The following INPP1 variants were observed in gnomAD, a reference collection of about 807,000 sequenced individuals.
The protein encoded by INPP1 is inositol polyphosphate-1-phosphatase.
INPP1 carries 18 observed loss-of-function variants against 23.0 expected under a neutral mutation model. That is an observed-to-expected ratio of 0.78 (90% CI 0.54 to 1.16). The LOEUF (loss-of-function observed/expected upper bound fraction) is 1.16, where lower values mean the gene tolerates loss of function less well. Among genes scored for constraint, INPP1 ranks in the 50% most tolerant of loss-of-function variants. The probability of loss-of-function intolerance (pLI) is 0.00; values close to 1 mark genes in which losing one functional copy is unlikely to be tolerated. For missense variants in INPP1, 448 were observed against 482.1 expected (o/e 0.93, Z 0.66); for synonymous variants, 164 against 176.3 (o/e 0.93, Z 0.55).
rs1198769387 is a variant in INPP1, at chr2:190,368,495, G to A, written c.467-608G>A. 6.6e-6 allele frequency: 1 copy of A among 152,028 alleles called. No individual in the cohort carries two copies. 9.4% of individuals were successfully genotyped at this position (152,028 alleles called of 1,614,324 possible). On this transcript the variant is annotated intron_variant, in intron 5 of 6. Transcript: ENST00000392329. The surrounding 1 kb of genome is among the most constrained non-coding windows in gnomAD (Gnocchi z 4.3). ...CTTTTCCTTTTTAAAATGTTTGTGG[G>A]TACATAATAGGTGTATATATTTATG... is the stretch of plus-strand genomic sequence containing the variant.
At chr2:190,353,589 A>G (rs1689363268) in intron 2 of INPP1, among the ~76,000 whole-genome samples, 1 of 152,112 alleles carries the variant, frequency 6.6e-6, no homozygotes, top group Non-Finnish European at 1.5e-5. Context: ...GCTCTGTGAT[A>G]TTTTTCCAGA....
Position 190,371,101 on chromosome 2 carries a change from G to C in INPP1, c.899G>C (p.Gly300Ala), listed in dbSNP as rs772175829. 1.2e-6 allele frequency: 2 copies of C among 1,614,194 alleles called. No individual in the cohort carries two copies. Among genetic ancestry groups the C allele is most frequent in the Non-Finnish European group, 1.7e-6 (2 of 1,180,028 alleles). The change falls in exon 7 of 7, where the codon GGC (glycine) becomes GCC (alanine). Residue 300 changes from glycine to alanine, a missense_variant. Transcript: ENST00000392329. This position sits in a 1 kb window ranked among gnomAD's most constrained non-coding sequence, Gnocchi z 5.3. The part of the protein sequence containing the change: ...AGYKSLCVVQ[G>A]LVDIYIFSED... The stretch of plus-strand genomic sequence containing the variant: ...TATAAGAGCCTATGTGTTGTCCAAG[G>C]CCTCGTTGACATTTACATCTTTTCA...
chr2:190,354,948 ATTT>A lies in INPP1; in HGVS notation c.-64-5079_-64-5077del, dbSNP rs11286107. ...GGGGTGTGTGTGTGTGTGTGTGTGC[ATTT>A]TTTTTTTTTTTGCTATATAATGTAC... On this transcript the variant is annotated intron_variant, in intron 2 of 6. Coordinates refer to ENST00000392329, the MANE Select transcript of INPP1 (RefSeq NM_001128928.2). This position sits in a 1 kb window ranked among gnomAD's most constrained non-coding sequence, Gnocchi z 4.8. Among the ~76,000 whole-genome samples, 10,316 of 142,582 alleles carry A rather than the reference ATTT, an allele frequency of 0.072. 590 individuals carry two copies. The highest frequency in any genetic ancestry group is 0.15 in the African/African-American group (5,685 of 38,784). The allele number at this position is 142,582 out of a possible 152,430, so 93.5% of individuals were successfully genotyped here.
At chr2:190,364,608 T>G (rs1222516998) in intron 4 of INPP1, among the ~76,000 whole-genome samples, 1 of 145,732 alleles carries the variant, frequency 6.9e-6, no homozygotes, top group African/African-American at 2.6e-5. Flanking sequence ...TTTTTTTTTG[T>G]TAGATGGAGT....
At chr2:190,358,952 G>A (rs1689479486) in intron 2 of INPP1, among the ~76,000 whole-genome samples, 1 of 152,102 alleles carries the variant, frequency 6.6e-6, no homozygotes, top group Admixed American at 6.5e-5. Context: ...GCAATGAGAT[G>A]GCTTGTGCTA....
intron 4 of INPP1, 131 bp downstream of exon 4, chr2:190,362,818 G>T: frequency 4.0e-6 from 2 of 504,056 alleles, no homozygotes; most frequent in South Asian, 1.0e-4. Flanking sequence ...GAATGTTAAG[G>T]TTCATTCAAT....
Position 190,366,784 on chromosome 2 carries a change from G to A in INPP1, c.355G>A (p.Glu119Lys). ...KVLNGNKVAS[E>K]ALARVVHQDV... ...CCTCAATGGTAACAAGGTGGCATCT[G>A]AAGCATTAGCCAGGGTTGTTCATCA... The change falls in exon 5 of 7, where the codon GAA becomes AAA. Residue 119 changes from glutamate to lysine, a missense_variant. Glu to Lys is a moderately conservative substitution (Grantham distance 56). Coordinates refer to ENST00000392329, the MANE Select transcript of INPP1 (RefSeq NM_001128928.2). 6.2e-7 allele frequency: 1 copy of A among 1,613,374 alleles called. No individual in the cohort carries two copies. Among genetic ancestry groups the A allele is most frequent in the South Asian group, 1.1e-5 (1 of 91,072 alleles).
Position 190,358,344 on chromosome 2 carries a change from T to C in INPP1, c.-64-1695T>C, listed in dbSNP as rs995296115. ...CATGCGCCTTGGCCTCCCAAAGTGC[T>C]GGGATTACAGGCATGAGCCACTGCG... On this transcript the variant is annotated intron_variant, in intron 2 of 6. Coordinates refer to ENST00000392329, the MANE Select transcript of INPP1 (RefSeq NM_001128928.2). 5.9e-5 allele frequency among the ~76,000 whole-genome samples: 9 copies of C among 152,282 alleles called. No homozygotes were observed. The East Asian group carries it at 1.7e-3, about 29-fold the overall frequency.
chr2:190,348,090 A>T (rs1235007749), intron 1 of INPP1, among the ~76,000 whole-genome samples: 1 of 152,234 alleles, frequency 6.6e-6, no homozygotes, highest in African/African-American at 2.4e-5. Flanking sequence ...GTGAGTCAAG[A>T]TCGTGCCACT....
rs762938673 is a variant in INPP1 at position 190,370,876 on chromosome 2, A to G, written c.674A>G (p.Tyr225Cys). 34 of 1,613,202 alleles carry G rather than the reference A, an allele frequency of 2.1e-5. No individual in the cohort carries two copies. The African/African-American group carries it at 4.1e-4, about 20-fold the overall frequency. Residue 225 changes from tyrosine (Y) to cysteine (C), a missense_variant, in exon 7 of 7, where the codon TAC becomes TGC. Physicochemically the swap from Tyr to Cys is radical, Grantham distance 194. Transcript: ENST00000392329. ...WKGQCYWGLS[Y>C]MGTNMHSLQL... ...GGACAGTGCTATTGGGGCCTTTCTT[A>G]CATGGGGACCAACATGCATTCACTA...
chr2:190,366,732 G>A lies in INPP1; in HGVS notation c.303G>A (p.Glu101=), dbSNP rs11544940. ...CCTTGAGGTTGTGTTCAACAGAGGA[G>A]GAAACAGCAGAGCTTCTTAGCAAAG... ...KITLRLCSTE[E]ETAELLSKVL... Residue 101 remains glutamate, a synonymous_variant, in exon 5 of 7, where the codon GAG becomes GAA. Coordinates refer to ENST00000392329, the MANE Select transcript of INPP1 (RefSeq NM_001128928.2). 0.59 allele frequency: 954,991 copies of A among 1,609,598 alleles called. 288,470 individuals are homozygous for A. The highest frequency in any genetic ancestry group is 0.79 in the Admixed American group (47,112 of 60,000).
At chr2:190,364,925 A>G (rs540317388) in intron 4 of INPP1, among the ~76,000 whole-genome samples, 1 of 151,972 alleles carries the variant, frequency 6.6e-6, no homozygotes, top group Non-Finnish European at 1.5e-5. Flanking sequence ...CTTTCTAATA[A>G]GCTCCCAGCT....
Position 190,370,902 on chromosome 2 carries a change from C to G in INPP1, c.700C>G (p.Gln234Glu). 1 of 1,614,138 alleles carries G rather than the reference C, an allele frequency of 6.2e-7. No homozygotes were observed. Among genetic ancestry groups the G allele is most frequent in the Non-Finnish European group, 8.5e-7 (1 of 1,180,002 alleles). ...CATGGGGACCAACATGCATTCACTACAGCTCACCATCTCTAGAAGAAACGG... is the reference window on the plus strand; with the variant it reads ...CATGGGGACCAACATGCATTCACTAGAGCTCACCATCTCTAGAAGAAACGG... ...SYMGTNMHSL[Q>E]LTISRRNGSE... is the part of the protein sequence containing the mutation. The change falls in exon 7 of 7, where the codon CAG (glutamine) becomes GAG (glutamate). Residue 234 changes from glutamine (Q) to glutamate (E), a missense_variant. Gln to Glu is a conservative substitution (Grantham distance 29). Transcript: ENST00000392329.
In INPP1 at chr2:190,355,580, A is replaced by G. The variant is rs1298255974; in HGVS notation, c.-64-4459A>G. 6.6e-6 allele frequency among the ~76,000 whole-genome samples: 1 copy of G among 152,206 alleles called. No individual in the cohort carries two copies. Among genetic ancestry groups the G allele is most frequent in the Non-Finnish European group, 1.5e-5 (1 of 68,044 alleles). On this transcript the variant is annotated intron_variant, in intron 2 of 6. Transcript: ENST00000392329. The surrounding 1 kb of genome is among the most constrained non-coding windows in gnomAD (Gnocchi z 5.1). ...AGAGTCCAGCAATCTGTTTTTTTAG[A>G]AGGCCATCTTGGGTAATTCTGATAC... is the stretch of plus-strand genomic sequence containing the variant.
intron 1 of INPP1, 26 bp downstream of exon 1, chr2:190,343,987 C>A: frequency 6.5e-6 from 2 of 306,924 alleles, no homozygotes; most frequent in Non-Finnish European, 6.9e-6. Flanking sequence ...CCTTACGACA[C>A]CCACCACAGG....
At position 190,366,826 on chromosome 2, in the gene INPP1, G is replaced by T; in HGVS notation, c.397G>T (p.Asp133Tyr). 1 of 1,614,050 alleles carries T rather than the reference G, an allele frequency of 6.2e-7. No individual in the cohort carries two copies. The highest frequency in any genetic ancestry group is 1.1e-5 in the South Asian group (1 of 91,066). ...TGTTCATCAGGATGTTGCCTTTACT[G>T]ACCCAACTCTGGATTCCACAGAGAT... ...RVVHQDVAFT[D>Y]PTLDSTEINV... The change falls in exon 5 of 7, where the codon GAC becomes TAC. Residue 133 changes from aspartate (D) to tyrosine (Y), a missense_variant. Transcript: ENST00000392329.
At chr2:190,362,470 C>T (rs1015053149) in intron 3 of INPP1, among the ~76,000 whole-genome samples, 157 bp from the exon 4 acceptor site, 2 of 152,078 alleles carry the variant, frequency 1.3e-5, no homozygotes, top group African/African-American at 2.4e-5. Flanking sequence ...AAGTTGACTT[C>T]GTTTTTTTAT....
At position 190,352,097 on chromosome 2, in the gene INPP1, C is replaced by A. The variant is rs1689334589; in HGVS notation, c.-65+3066C>A. On this transcript the variant is annotated intron_variant, in intron 2 of 6. Coordinates refer to ENST00000392329, the MANE Select transcript of INPP1 (RefSeq NM_001128928.2). The surrounding 1 kb of genome is among the most constrained non-coding windows in gnomAD (Gnocchi z 4.7). ...GTATGTTTATTGGCCATTTGGATAT[C>A]CTCCTGTATGAAGTGCCTATTCAAG... is the stretch of plus-strand genomic sequence containing the variant. 6.6e-6 allele frequency among the ~76,000 whole-genome samples: 1 copy of A among 152,166 alleles called. No homozygotes were observed. Among genetic ancestry groups the A allele is most frequent in the Admixed American group, 6.5e-5 (1 of 15,278 alleles).
At chr2:190,366,290 TCTGTCTCTCTCG>T (rs1689666876) in intron 4 of INPP1, among the ~76,000 whole-genome samples, 2 of 139,884 alleles carry the variant, frequency 1.4e-5, no homozygotes, top group Non-Finnish European at 1.6e-5. Context: ...TCTCTCGCTC[TCTGTCTCTCTCG>T]CTCTGTCTCA....
Sources: gnomAD v4.1 joint callset for allele counts (sites outside exome capture counted in the v4.1 genomes callset) on GRCh38, gnomAD v4.1.1 for gene constraint, Gnocchi (gnomAD v3.1) non-coding constraint, MANE v1.5 for transcripts, NCBI Gene and HGNC (gene_info 2026-07-23, HGNC 2026-07-21) for gene names.